CDH13: variants seen among roughly 807,000 people sequenced by gnomAD.
The protein encoded by CDH13 is cadherin 13, also known as cadherin-13.
A neutral mutation model predicts 63.8 loss-of-function variants in CDH13; 24 were observed. That is an observed-to-expected ratio of 0.38 (90% CI 0.27 to 0.53). The LOEUF is 0.53. Ranked by LOEUF, CDH13 falls within the 20% of genes least tolerant of loss-of-function variation. The pLI, the probability that CDH13 is intolerant of heterozygous loss-of-function variation, is 0.85. For missense variants in CDH13, 1,049 were observed against 903.1 expected (o/e 1.16, Z -2.07); for synonymous variants, 503 against 355.3 (o/e 1.42, Z -4.67).
chr16:83,764,754 G>A (rs1914251681), intron 11 of CDH13, among the ~76,000 whole-genome samples: 1 of 141,544 alleles, frequency 7.1e-6, no homozygotes, highest in Non-Finnish European at 1.5e-5. Context: ...TGAGGCCCTT[G>A]CCACGGCTGC....
At chr16:83,560,863 T>C (rs7197816) in intron 7 of CDH13, among the ~76,000 whole-genome samples, 3,035 of 151,414 alleles carry the variant, frequency 0.02, 110 homozygotes, top group African/African-American at 0.07. Flanking sequence ...CAGTAAGCCA[T>C]GGTGCTGTGG....
intron 5 of CDH13, among the ~76,000 whole-genome samples, chr16:83,271,472 C>T (rs1241186925): frequency 9.5e-5 from 8 of 84,104 alleles, no homozygotes; most frequent in Non-Finnish European, 1.8e-4. Context: ...GCTGTTAGAG[C>T]CCCAATCCTG....
At chr16:83,442,636 A>G (rs2072512625) in intron 6 of CDH13, among the ~76,000 whole-genome samples, 1 of 152,188 alleles carries the variant, frequency 6.6e-6, no homozygotes, top group Non-Finnish European at 1.5e-5. Context: ...TCTGGACTAG[A>G]TGTAACAAAC....
In CDH13 at chr16:83,590,650, C is replaced by G. The variant is rs143469079; in HGVS notation, c.961-11804C>G. 1.7e-3 allele frequency among the ~76,000 whole-genome samples: 258 copies of G among 152,264 alleles called. 1 individual carries two copies. The highest frequency in any genetic ancestry group is 5.9e-3 in the African/African-American group (244 of 41,570). On this transcript the variant is annotated intron_variant, in intron 7 of 13. Coordinates refer to ENST00000567109, the MANE Select transcript of CDH13 (RefSeq NM_001257.5). ...AGAACTTTTGGAAAACTATGATTTT[C>G]ATTTTTCATTTAAATTGCATCATAA...
chr16:83,316,176 T>C (rs1181372639), intron 5 of CDH13, among the ~76,000 whole-genome samples: 2 of 152,120 alleles, frequency 1.3e-5, no homozygotes, highest in East Asian at 1.9e-4. Context: ...AAGAAGAGCA[T>C]GGGGGAACCA....
chr16:83,064,957 T>C (rs1008858224), intron 3 of CDH13, among the ~76,000 whole-genome samples: 2 of 152,150 alleles, frequency 1.3e-5, no homozygotes, highest in African/African-American at 4.8e-5. Flanking sequence ...AACCTCTTTC[T>C]CTTGTCTATC....
chr16:83,052,317 TC>T (rs1479464176), intron 3 of CDH13, among the ~76,000 whole-genome samples: 13 of 152,172 alleles, frequency 8.5e-5, no homozygotes, highest in African/African-American at 2.7e-4. Context: ...CAGCACACCA[TC>T]CTATAGAAAT....
In CDH13 at chr16:82,831,391, A is replaced by G. The variant is rs552725915; in HGVS notation, c.46-26971A>G. Among the ~76,000 whole-genome samples, 19 of 147,844 alleles carry G rather than the reference A, an allele frequency of 1.3e-4. No individual in the cohort carries two copies. The South Asian group carries it at 4.3e-3, about 33-fold the overall frequency. On this transcript the variant is annotated intron_variant, in intron 1 of 13. Coordinates refer to ENST00000567109, the MANE Select transcript of CDH13 (RefSeq NM_001257.5). ...TAAGAAGCTTCTATTTGATAATTATATATCTTTCATTTTTTTTAAAGTGCT... is the reference window on the plus strand; with the variant it reads ...TAAGAAGCTTCTATTTGATAATTATGTATCTTTCATTTTTTTTAAAGTGCT...
intron 8 of CDH13, among the ~76,000 whole-genome samples, chr16:83,628,746 C>T (rs898907406): frequency 1.3e-5 from 2 of 152,184 alleles, no homozygotes; most frequent in African/African-American, 4.8e-5. Context: ...TATTCATGGC[C>T]AGCCAGCTCT....
chr16:83,144,013 G>A (rs2036643449), intron 4 of CDH13, among the ~76,000 whole-genome samples: 1 of 152,084 alleles, frequency 6.6e-6, no homozygotes, highest in Non-Finnish European at 1.5e-5. Context: ...AGGTCACACT[G>A]AAAACCCCTG....
intron 7 of CDH13, among the ~76,000 whole-genome samples, chr16:83,517,467 G>A (rs1305411292): frequency 6.6e-6 from 1 of 152,230 alleles, no homozygotes; most frequent in Admixed American, 6.5e-5. Flanking sequence ...CCAGCTTGCA[G>A]CATGTGGAGC....
chr16:82,819,577 A>C (rs2037897989), intron 1 of CDH13, among the ~76,000 whole-genome samples: 1 of 152,098 alleles, frequency 6.6e-6, no homozygotes, highest in African/African-American at 2.4e-5. Flanking sequence ...ACTGTGTTTC[A>C]GGGAGGGCAA....
At chr16:83,261,320 C>T (rs1364250802) in intron 5 of CDH13, among the ~76,000 whole-genome samples, 2 of 152,130 alleles carry the variant, frequency 1.3e-5, no homozygotes, top group Admixed American at 6.5e-5. Context: ...TTCATCCCCT[C>T]GATAAGCCAG....
chr16:82,753,564 C>T (rs556737658), intron 1 of CDH13, among the ~76,000 whole-genome samples: 12 of 152,242 alleles, frequency 7.9e-5, no homozygotes, highest in African/African-American at 2.9e-4. Flanking sequence ...TTCAAGATAT[C>T]CAAAACAATT....
intron 6 of CDH13, among the ~76,000 whole-genome samples, chr16:83,443,146 A>G (rs1423625029): frequency 6.6e-6 from 1 of 152,250 alleles, no homozygotes; most frequent in Non-Finnish European, 1.5e-5. Context: ...TTCCATGCCA[A>G]ACGCAGAAAG....
At chr16:83,567,268 T>C (rs546849117) in intron 7 of CDH13, among the ~76,000 whole-genome samples, 89 of 152,326 alleles carry the variant, frequency 5.8e-4, no homozygotes, top group African/African-American at 2.1e-3. Context: ...TGTGAGTCTG[T>C]AGAAGAAAAG....
Position 83,798,914 on chromosome 16 carries a change from A to C in CDH13, c.*3884A>C, listed in dbSNP as rs1904297935. 1 of 152,184 alleles carries C rather than the reference A, an allele frequency of 6.6e-6. No individual in the cohort carries two copies. The highest frequency in any genetic ancestry group is 1.5e-5 in the Non-Finnish European group (1 of 68,030). 9.4% of individuals were successfully genotyped at this position (152,184 alleles called of 1,614,324 possible). ...CGTTCTAAATTAATATTGAGACCTT[A>C]GAAATTTTTCCTGTGCAAGATAACG... On this transcript the variant is annotated 3_prime_UTR_variant, in exon 14 of 14. Transcript: ENST00000567109.
chr16:83,160,428 A>G (rs2151709846), intron 4 of CDH13, among the ~76,000 whole-genome samples: 1 of 152,314 alleles, frequency 6.6e-6, no homozygotes, highest in South Asian at 2.1e-4. Flanking sequence ...TCATAGAGAC[A>G]GACCTATGGC....
intron 10 of CDH13, among the ~76,000 whole-genome samples, chr16:83,729,659 C>G (rs957717481): frequency 6.6e-6 from 1 of 152,302 alleles, no homozygotes; most frequent in African/African-American, 2.4e-5. Flanking sequence ...GGTCAGTAAT[C>G]CCACCCACAT....
Sources: gnomAD v4.1 joint callset for allele counts (sites outside exome capture counted in the v4.1 genomes callset) on GRCh38, gnomAD v4.1.1 for gene constraint, MANE v1.5 for transcripts, NCBI Gene and HGNC (gene_info 2026-07-23, HGNC 2026-07-21) for gene names.